The following NR1H4 variants were observed in gnomAD, a reference collection of about 807,000 sequenced individuals.
The protein encoded by NR1H4 is bile acid receptor.
Under a neutral mutation model 58.5 loss-of-function variants are expected in NR1H4, and 23 were observed. The observed-to-expected ratio is 0.39, with a 90% CI of 0.28 to 0.56. The LOEUF is 0.56. Among genes scored for constraint, NR1H4 ranks in the 20% least tolerant of loss-of-function variants. NR1H4 has a pLI of 0.58. For missense variants in NR1H4, 487 were observed against 576.9 expected (o/e 0.84, Z 1.60); for synonymous variants, 214 against 198.0 (o/e 1.08, Z -0.68).
chr12:100,507,950 A>G (rs1198818344), intron 3 of NR1H4, among the ~76,000 whole-genome samples: 1 of 152,204 alleles, frequency 6.6e-6, no homozygotes, highest in East Asian at 1.9e-4. Context: ...TTCATAAACT[A>G]TTAGTCATAT....
At chr12:100,543,093 A>G (rs989527033) in intron 9 of NR1H4, among the ~76,000 whole-genome samples, 1 of 152,132 alleles carries the variant, frequency 6.6e-6, no homozygotes, top group Non-Finnish European at 1.5e-5. Flanking sequence ...TGGGACTTGA[A>G]TGAGATTTGA....
intron 9 of NR1H4, among the ~76,000 whole-genome samples, chr12:100,559,466 T>G (rs542340391): frequency 9.9e-5 from 15 of 152,252 alleles, no homozygotes; most frequent in Admixed American, 9.8e-4. Context: ...GGCGGGCCCC[T>G]CACTCGGAGC....
intron 1 of NR1H4, among the ~76,000 whole-genome samples, chr12:100,474,439 G>C (rs1953225611): frequency 1.3e-5 from 2 of 152,144 alleles, no homozygotes; most frequent in African/African-American, 4.8e-5. Flanking sequence ...ATGTGAGTTT[G>C]GGAGTATTGC....
At chr12:100,539,338 T>C (rs1954884610) in intron 8 of NR1H4, among the ~76,000 whole-genome samples, 1 of 152,198 alleles carries the variant, frequency 6.6e-6, no homozygotes, top group Non-Finnish European at 1.5e-5. Flanking sequence ...GGATATTTTG[T>C]GAAAAACTGA....
At chr12:100,507,925 C>T (rs2136146114) in intron 3 of NR1H4, among the ~76,000 whole-genome samples, 1 of 151,982 alleles carries the variant, frequency 6.6e-6, no homozygotes, top group African/African-American at 2.4e-5. Flanking sequence ...TGTAGAAAAG[C>T]CCTAAATTCT....
At chr12:100,560,363 C>T (rs10860605) in intron 9 of NR1H4, among the ~76,000 whole-genome samples, 20,936 of 152,100 alleles carry the variant, frequency 0.14, 2,344 homozygotes, top group East Asian at 0.47. Context: ...CTTGCTACTG[C>T]TCACTCTTTG....
chr12:100,520,188 C>G (rs1351203408), intron 4 of NR1H4, among the ~76,000 whole-genome samples: 1 of 152,106 alleles, frequency 6.6e-6, no homozygotes, highest in Non-Finnish European at 1.5e-5. Context: ...TCAGCAGATG[C>G]AAAGCGAATT....
chr12:100,489,107 T>C (rs1487422541), intron 1 of NR1H4, among the ~76,000 whole-genome samples: 1 of 152,116 alleles, frequency 6.6e-6, no homozygotes, highest in Non-Finnish European at 1.5e-5. Context: ...ATTAGACAAA[T>C]AATGTATATG....
chr12:100,518,825 C>T (rs906662439), intron 4 of NR1H4, among the ~76,000 whole-genome samples: 13 of 142,592 alleles, frequency 9.1e-5, no homozygotes, highest in African/African-American at 3.1e-4. Flanking sequence ...TGGACTCTCG[C>T]TCTGTCACCC....
Position 100,491,732 on chromosome 12 carries a change from C to A in NR1H4, c.-189-771C>A, listed in dbSNP as rs111841860. Among the ~76,000 whole-genome samples, 1,103 of 151,968 alleles carry A rather than the reference C, an allele frequency of 7.3e-3. 12 individuals carry two copies. Among genetic ancestry groups the A allele is most frequent in the African/African-American group, 0.025 (1,056 of 41,432 alleles). ...GGTTTACCAGATGGACCCAGATATG[C>A]CTGGAACCCACAGTGGACACAGTTT... On this transcript the variant is annotated intron_variant, in intron 1 of 10. Transcript: ENST00000392986.
At chr12:100,558,204 C>CAAAAAAAAAA (rs569114964) in intron 9 of NR1H4, among the ~76,000 whole-genome samples, 2 of 84,770 alleles carry the variant, frequency 2.4e-5, no homozygotes, top group African/African-American at 3.8e-5. Flanking sequence ...ACTAAAAATA[C>CAAAAAAAAAA]AAAAAAAAAA....
chr12:100,534,579 A>C (rs1020854672), intron 5 of NR1H4, among the ~76,000 whole-genome samples: 1 of 152,176 alleles, frequency 6.6e-6, no homozygotes, highest in Admixed American at 6.5e-5. Flanking sequence ...CTTTATATAA[A>C]GCTCATTTAA....
chr12:100,510,698 TC>T, intron 3 of NR1H4, 79 bp from the exon 4 acceptor site: 1 of 1,505,222 alleles, frequency 6.6e-7, no homozygotes, highest in Non-Finnish European at 9.2e-7. Context: ...GAGCCCACAC[TC>T]CTAACCATTA....
At chr12:100,475,236 A>G (rs1047441413) in intron 1 of NR1H4, among the ~76,000 whole-genome samples, 2 of 151,982 alleles carry the variant, frequency 1.3e-5, no homozygotes, top group African/African-American at 4.8e-5. Context: ...TTTTGTTTCT[A>G]GCTGTGATTT....
intron 3 of NR1H4, among the ~76,000 whole-genome samples, chr12:100,507,100 A>T (rs1012101131): frequency 1.3e-5 from 2 of 152,220 alleles, no homozygotes; most frequent in Non-Finnish European, 2.9e-5. Flanking sequence ...TCCAGATTCT[A>T]TCGGTTTTTG....
intron 3 of NR1H4, among the ~76,000 whole-genome samples, chr12:100,504,510 C>G (rs1953911940): frequency 6.6e-6 from 1 of 152,088 alleles, no homozygotes; most frequent in South Asian, 2.1e-4. Context: ...GAGTTAGATG[C>G]CAGGAATATA....
chr12:100,562,513 A>G (rs1258222525), intron 10 of NR1H4, among the ~76,000 whole-genome samples: 1 of 152,146 alleles, frequency 6.6e-6, no homozygotes, highest in Non-Finnish European at 1.5e-5. Context: ...CTGAGTTTAT[A>G]TTTCTTCTAA....
Position 100,563,185 on chromosome 12 carries a change from T to C in NR1H4, c.1193-66T>C. On this transcript the variant is annotated intron_variant, in intron 10 of 10. Transcript: ENST00000392986. Reference sequence around the variant, plus strand: ...CACTTCAAAATAGTTAACGTTGCTATAATTATGCTGAATTAATGCTTTTCC... The same window carrying C: ...CACTTCAAAATAGTTAACGTTGCTACAATTATGCTGAATTAATGCTTTTCC... The C allele has an allele frequency of 2.4e-6, 3 of 1,246,110 alleles. No individual in the cohort carries two copies. In the South Asian group the frequency reaches 3.7e-5, roughly 15 times the overall value. 77.2% of individuals were successfully genotyped at this position (1,246,110 alleles called of 1,614,324 possible).
chr12:100,483,985 GAAAAAAAAAA>G (rs61582838), intron 1 of NR1H4, among the ~76,000 whole-genome samples: 1 of 70,228 alleles, frequency 1.4e-5, no homozygotes, highest in Non-Finnish European at 3.5e-5. Context: ...CTCTGTCTCA[GAAAAAAAAAA>G]AAAAAAAAAA....
Sources: allele counts gnomAD v4.1 joint callset (sites outside exome capture counted in the v4.1 genomes callset), GRCh38; gene constraint gnomAD v4.1.1; transcripts MANE v1.5; gene names NCBI Gene and HGNC (gene_info 2026-07-23, HGNC 2026-07-21).